The following TENM3 variants were observed in gnomAD, a reference collection of about 807,000 sequenced individuals.
The protein encoded by TENM3 is teneurin transmembrane protein 3, also known as teneurin-3.
TENM3 carries 63 observed loss-of-function variants against 255.1 expected under a neutral mutation model. The ratio of observed to expected loss-of-function variants is 0.25; its 90% CI spans 0.20 to 0.30. The LOEUF (loss-of-function observed/expected upper bound fraction) is 0.30, where lower values mean the gene tolerates loss of function less well. Among genes scored for constraint, TENM3 ranks in the 10% least tolerant of loss-of-function variants. The pLI is 1.00. For synonymous variants in TENM3, 1,306 were observed against 1,322.3 expected, an observed-to-expected ratio of 0.99 and a Z score of 0.27; for missense variants, 2,929 against 3,461.1, an observed-to-expected ratio of 0.85 and a Z score of 3.86.
the TENM3 span, among the ~76,000 whole-genome samples, chr4:181,795,610 C>T: frequency 1.3e-5 from 2 of 152,166 alleles, no homozygotes; most frequent in Non-Finnish European, 2.9e-5. Context: ...AACTACTGAG[C>T]TATCACCAAG....
chr4:181,909,933 A>G, the TENM3 span, among the ~76,000 whole-genome samples: 1 of 152,190 alleles, frequency 6.6e-6, no homozygotes, highest in Non-Finnish European at 1.5e-5. Flanking sequence ...ATTTTGTAGA[A>G]TTTTTTACAT....
chr4:181,929,242 TAG>T, the TENM3 span, among the ~76,000 whole-genome samples: 2 of 151,984 alleles, frequency 1.3e-5, no homozygotes, highest in South Asian at 4.1e-4. Flanking sequence ...GCAAATTGAA[TAG>T]AGTCAAGACC....
the TENM3 span, among the ~76,000 whole-genome samples, chr4:181,752,953 A>G: frequency 6.6e-6 from 1 of 152,198 alleles, no homozygotes; most frequent in Non-Finnish European, 1.5e-5. Flanking sequence ...TGTCACTCAC[A>G]CCATAGAGAT....
chr4:181,673,110 G>A, the TENM3 span, among the ~76,000 whole-genome samples: 1 of 152,192 alleles, frequency 6.6e-6, no homozygotes, highest in African/African-American at 2.4e-5. Context: ...ACACACAGTA[G>A]TCACTAAAGT....
chr4:182,049,859 A>T, the TENM3 span, among the ~76,000 whole-genome samples: 1 of 152,146 alleles, frequency 6.6e-6, no homozygotes, highest in Non-Finnish European at 1.5e-5. Context: ...ACAATTAAGA[A>T]CTTGGTGCTG....
chr4:181,486,581 C>A, the TENM3 span, among the ~76,000 whole-genome samples: 1 of 152,140 alleles, frequency 6.6e-6, no homozygotes, highest in Non-Finnish European at 1.5e-5. Context: ...CAAGTTAGGT[C>A]TTTTTAAGCT....
the TENM3 span, among the ~76,000 whole-genome samples, chr4:182,095,091 G>T: frequency 6.6e-6 from 1 of 152,198 alleles, no homozygotes; most frequent in African/African-American, 2.4e-5. Context: ...ATGTGAATTT[G>T]TACAGCCACG....
At chr4:181,972,746 A>G in the TENM3 span, among the ~76,000 whole-genome samples, 1 of 152,198 alleles carries the variant, frequency 6.6e-6, no homozygotes, top group Non-Finnish European at 1.5e-5. Context: ...CTTGACCGAG[A>G]TTGAATTTCC....
intron 2 of TENM3, among the ~76,000 whole-genome samples, chr4:182,345,135 C>T (rs959538990): frequency 3.3e-5 from 5 of 152,080 alleles, no homozygotes; most frequent in South Asian, 2.1e-4. Flanking sequence ...GTGTCATTGT[C>T]GGAATCCATT....
intron 24 of TENM3, among the ~76,000 whole-genome samples, chr4:182,780,591 A>C (rs1765090640): frequency 7.7e-6 from 1 of 130,656 alleles, no homozygotes. Flanking sequence ...AATTCTGTGA[A>C]GAAAGGCATT....
the TENM3 span, among the ~76,000 whole-genome samples, chr4:181,541,064 C>G: frequency 9.9e-5 from 15 of 152,144 alleles, no homozygotes; most frequent in African/African-American, 3.4e-4. Flanking sequence ...GTGAGAAATC[C>G]ATTTAAAGTA....
the TENM3 span, among the ~76,000 whole-genome samples, chr4:181,872,740 C>A: frequency 4.0e-5 from 6 of 151,880 alleles, no homozygotes; most frequent in Admixed American, 6.6e-5. Context: ...GCCTTGGTAC[C>A]AGCATGAGAA....
intron 22 of TENM3, among the ~76,000 whole-genome samples, chr4:182,763,722 A>C (rs1763415417): frequency 6.6e-6 from 1 of 152,200 alleles, no homozygotes; most frequent in South Asian, 2.1e-4. Context: ...GAGGAGCAGA[A>C]TGTGAGTGTC....
chr4:181,715,874 A>T, the TENM3 span, among the ~76,000 whole-genome samples: 2 of 152,232 alleles, frequency 1.3e-5, no homozygotes, highest in Non-Finnish European at 2.9e-5. Context: ...TAGTGCCCCC[A>T]CAGATAATAA....
chr4:182,682,711 A>G (rs1756271391), intron 11 of TENM3, among the ~76,000 whole-genome samples: 2 of 151,870 alleles, frequency 1.3e-5, no homozygotes, highest in Admixed American at 6.6e-5. Flanking sequence ...TGAAATAAAC[A>G]TTTTACAAAG....
intron 1 of TENM3, among the ~76,000 whole-genome samples, chr4:182,267,715 TA>T (rs55836214): frequency 0.029 from 3,973 of 135,596 alleles, 59 homozygotes; most frequent in Non-Finnish European, 0.032. Context: ...AAAGCCAATT[TA>T]AAAAAAAAAA....
At chr4:182,136,981 C>G in the TENM3 span, among the ~76,000 whole-genome samples, 11 of 152,202 alleles carry the variant, frequency 7.2e-5, 1 homozygote, top group East Asian at 3.9e-4. Context: ...AGCATCCCCC[C>G]CCACCCAATA....
intron 1 of TENM3, among the ~76,000 whole-genome samples, chr4:182,161,839 G>A (rs28459907): frequency 0.63 from 10,807 of 17,190 alleles, 4,824 homozygotes; most frequent in African/African-American, 0.72. Context: ...ATATATATGT[G>A]TATATATACA....
At chr4:182,746,536 T>C (rs986674087) in intron 19 of TENM3, among the ~76,000 whole-genome samples, 1 of 152,070 alleles carries the variant, frequency 6.6e-6, no homozygotes, top group African/African-American at 2.4e-5. Context: ...GTCAGATTGC[T>C]TGGGGCCTTG....
Sources: gnomAD v4.1 joint callset for allele counts (sites outside exome capture counted in the v4.1 genomes callset) on GRCh38, gnomAD v4.1.1 for gene constraint, MANE v1.5 for transcripts, NCBI Gene and HGNC (gene_info 2026-07-23, HGNC 2026-07-21) for gene names.